Variants in BCO1 observed in about 807,000 individuals in gnomAD.
The protein encoded by BCO1 is beta-carotene oxygenase 1, also known as beta,beta-carotene 15,15'-dioxygenase.
In BCO1, 54 loss-of-function variants were observed where a neutral mutation model predicts 56.3. That is an observed-to-expected ratio of 0.96 (90% CI 0.77 to 1.20). The LOEUF (loss-of-function observed/expected upper bound fraction) is 1.20. Among genes scored for constraint, BCO1 ranks in the 50% most tolerant of loss-of-function variants. The pLI, the probability that BCO1 is intolerant of heterozygous loss-of-function variation, is 0.00. For synonymous variants in BCO1, 318 were observed against 266.1 expected (o/e 1.20, Z -1.90); for missense variants, 801 against 690.9 (o/e 1.16, Z -1.79).
At chr16:81,252,505 C>T (rs1395169560) in intron 2 of BCO1, among the ~76,000 whole-genome samples, 1 of 152,190 alleles carries the variant, frequency 6.6e-6, no homozygotes, top group African/African-American at 2.4e-5. Context: ...ATCCACCTGC[C>T]TCGGCCTCCC....
rs1275140348 is a variant in BCO1 at position 81,290,849 on chromosome 16, A to T, written c.*272A>T. The T allele has an allele frequency of 2.6e-6, 1 of 382,602 alleles. No individual in the cohort carries two copies. The highest frequency in any genetic ancestry group is 2.0e-5 in the African/African-American group (1 of 49,706). The allele number at this position is 382,602 out of a possible 1,614,324, so 23.7% of individuals were successfully genotyped here. On this transcript the variant is annotated 3_prime_UTR_variant, in exon 11 of 11. Transcript: ENST00000258168. ...AAACCTCCTTTCCTTTAACAAAAAG[A>T]CCTTGACCATGAATCAGAGATTGTA...
chr16:81,256,879 C>A (rs1379264099), intron 2 of BCO1, among the ~76,000 whole-genome samples: 2 of 151,498 alleles, frequency 1.3e-5, no homozygotes, highest in Non-Finnish European at 2.9e-5. Context: ...CAGAGTGACT[C>A]CATCTCAAAA....
At position 81,272,687 on chromosome 16, in the gene BCO1, T is replaced by G. The variant is rs191274535; in HGVS notation, c.1101+2271T>G. On this transcript the variant is annotated intron_variant, in intron 7 of 10. Transcript: ENST00000258168. The stretch of plus-strand genomic sequence containing the variant: ...CTTCTGGCTCCAGAACTCACTGACT[T>G]CATGACTTAATTAATTTAAGTGAAA... 4.6e-5 allele frequency among the ~76,000 whole-genome samples: 7 copies of G among 152,346 alleles called. No individual in the cohort carries two copies. The East Asian group carries it at 1.3e-3, about 29-fold the overall frequency.
chr16:81,285,700 C>G (rs1166938793), intron 9 of BCO1, 66 bp downstream of exon 9: 1 of 1,232,970 alleles, frequency 8.1e-7, no homozygotes, highest in African/African-American at 1.5e-5. Context: ...AAGCTGAATT[C>G]TAAGGTTCTG....
intron 7 of BCO1, among the ~76,000 whole-genome samples, chr16:81,280,459 A>T (rs142111735): frequency 6.6e-6 from 1 of 152,154 alleles, no homozygotes; most frequent in Non-Finnish European, 1.5e-5. Flanking sequence ...GTTATGTGAT[A>T]AGCATTTCCC....
At chr16:81,289,085 C>T (rs1908330988) in intron 10 of BCO1, among the ~76,000 whole-genome samples, 1 of 152,170 alleles carries the variant, frequency 6.6e-6, no homozygotes, top group Non-Finnish European at 1.5e-5. Flanking sequence ...CAGAGAGTGA[C>T]CTTTTTGCCC....
intron 1 of BCO1, among the ~76,000 whole-genome samples, chr16:81,241,130 G>A (rs528012619): frequency 1.2e-4 from 18 of 152,062 alleles, no homozygotes; most frequent in East Asian, 1.9e-4. Context: ...CACCATGCCC[G>A]GCCTGAAATT....
chr16:81,266,303 C>A (rs1476910222), intron 5 of BCO1, among the ~76,000 whole-genome samples: 2 of 152,128 alleles, frequency 1.3e-5, no homozygotes, highest in African/African-American at 4.8e-5. Flanking sequence ...GGCTCTTAGC[C>A]CATGTTTGTC....
intron 2 of BCO1, among the ~76,000 whole-genome samples, chr16:81,249,806 C>T (rs566011940): frequency 2.6e-5 from 4 of 152,310 alleles, no homozygotes; most frequent in Admixed American, 2.0e-4. Context: ...CCTAGGCCAG[C>T]GTCTGAGGGT....
At position 81,266,290 on chromosome 16, in the gene BCO1, G is replaced by A. The variant is rs1007822052; in HGVS notation, c.619+1503G>A. Reference sequence around the variant, plus strand: ...TGCATGATCCTGAGGGGGAGGAGGCGGAGGCTCTTAGCCCATGTTTGTCCA... The same window carrying A: ...TGCATGATCCTGAGGGGGAGGAGGCAGAGGCTCTTAGCCCATGTTTGTCCA... On this transcript the variant is annotated intron_variant, in intron 5 of 10. Coordinates refer to ENST00000258168, the MANE Select transcript of BCO1 (RefSeq NM_017429.3). Among the ~76,000 whole-genome samples, 8 of 152,166 alleles carry A rather than the reference G, an allele frequency of 5.3e-5. No individual in the cohort carries two copies. The East Asian group carries it at 7.7e-4, about 15-fold the overall frequency.
intron 5 of BCO1, among the ~76,000 whole-genome samples, chr16:81,266,733 G>T (rs1036685589): frequency 6.6e-6 from 1 of 152,150 alleles, no homozygotes; most frequent in African/African-American, 2.4e-5. Context: ...ACAGCTCCCA[G>T]GAGCCACTGA....
At chr16:81,274,006 T>C (rs1208587268) in intron 7 of BCO1, among the ~76,000 whole-genome samples, 3 of 152,208 alleles carry the variant, frequency 2.0e-5, no homozygotes, top group Non-Finnish European at 2.9e-5. Flanking sequence ...ACATGAGCCC[T>C]GGGCGCCTGC....
At chr16:81,239,869 G>C (rs1344696950) in intron 1 of BCO1, among the ~76,000 whole-genome samples, 1 of 152,104 alleles carries the variant, frequency 6.6e-6, no homozygotes, top group African/African-American at 2.4e-5. Context: ...GGCAGTTCCT[G>C]GTTCTGGACT....
At chr16:81,249,021 A>T (rs1460700534) in intron 2 of BCO1, among the ~76,000 whole-genome samples, 1 of 151,862 alleles carries the variant, frequency 6.6e-6, no homozygotes, top group Non-Finnish European at 1.5e-5. Context: ...CAAGAAAAAA[A>T]GCACCAGTGG....
intron 7 of BCO1, among the ~76,000 whole-genome samples, chr16:81,274,258 CTTTTTTTTTT>C (rs755672295): frequency 6.2e-5 from 5 of 80,534 alleles, no homozygotes; most frequent in Non-Finnish European, 1.2e-4. Context: ...GCTTGTGTAT[CTTTTTTTTTT>C]TTTTTTTTTT....
chr16:81,269,598 G>T (rs1907058966), intron 6 of BCO1, among the ~76,000 whole-genome samples: 1 of 152,188 alleles, frequency 6.6e-6, no homozygotes, highest in Admixed American at 6.5e-5. Context: ...CTCCTGAGTA[G>T]TTGGGATTAC....
intron 9 of BCO1, 86 bp from the exon 10 acceptor site, chr16:81,287,209 G>A: frequency 2.0e-6 from 2 of 1,005,658 alleles, no homozygotes; most frequent in Non-Finnish European, 3.2e-6. Flanking sequence ...CATCTCCTCT[G>A]TGTGGATCTT....
Position 81,238,962 on chromosome 16 carries a change from C to A in BCO1, c.54C>A (p.Ala18=), listed in dbSNP as rs1567694682. The change falls in exon 1 of 11, where the codon GCC becomes GCA. Residue 18 remains alanine (A), a synonymous_variant. Coordinates refer to ENST00000258168, the MANE Select transcript of BCO1 (RefSeq NM_017429.3). ...NRKEQLEPVR[A]KVTGKIPAWL... ...AAGAACAGCTGGAGCCTGTGAGGGCCAAAGTGACAGGTGAGCATTCTGATA... is the reference window on the plus strand; with the variant it reads ...AAGAACAGCTGGAGCCTGTGAGGGCAAAAGTGACAGGTGAGCATTCTGATA... 1.2e-6 allele frequency: 2 copies of A among 1,613,628 alleles called. No homozygotes were observed. Among genetic ancestry groups the A allele is most frequent in the Middle Eastern group, 1.7e-4 (1 of 6,054 alleles).
At chr16:81,264,359 C>T (rs1470957856) in intron 4 of BCO1, among the ~76,000 whole-genome samples, 1 of 152,200 alleles carries the variant, frequency 6.6e-6, no homozygotes, top group Non-Finnish European at 1.5e-5. Flanking sequence ...CAGAAGCACA[C>T]CAGCTCCCTA....
Sources: allele counts gnomAD v4.1 joint callset (sites outside exome capture counted in the v4.1 genomes callset), GRCh38; gene constraint gnomAD v4.1.1; transcripts MANE v1.5; gene names NCBI Gene and HGNC (gene_info 2026-07-23, HGNC 2026-07-21).